Variants in CEP350 observed in about 807,000 individuals in gnomAD.
The protein encoded by CEP350 is centrosome-associated protein 350.
In CEP350, 126 loss-of-function variants were observed where a neutral mutation model predicts 331.8. The ratio of observed to expected loss-of-function variants is 0.38; its 90% confidence interval spans 0.33 to 0.44. CEP350 has a LOEUF of 0.44. Among genes scored for constraint, CEP350 ranks in the 20% least tolerant of loss-of-function variants. CEP350 has a pLI of 1.00. For synonymous variants in CEP350, 1,200 were observed against 1,259.5 expected (o/e 0.95, Z 1.00); for missense variants, 3,406 against 3,634.6 (o/e 0.94, Z 1.62).
chr1:180,109,611 A>G (rs1360935561), intron 37 of CEP350, among the ~76,000 whole-genome samples: 1 of 152,024 alleles, frequency 6.6e-6, no homozygotes, highest in Admixed American at 6.6e-5. Context: ...GTCATTTTGT[A>G]TAGCAAATCT....
At position 180,092,941 on chromosome 1, in the gene CEP350, G is replaced by A. The variant is rs1367058379; in HGVS notation, c.6836G>A (p.Gly2279Asp). The change falls in exon 34 of 38, where the codon GGT becomes GAT. Residue 2279 changes from glycine to aspartate, a missense_variant. Transcript: ENST00000367607. ...ATTGAAGATGCCTTTTCTAAAGAAG[G>A]TAAATCTGATGTCTTACTGAAATTA... ...SKIEDAFSKE[G>D]KSDVLLKLVL... 2 of 1,590,674 alleles carry A rather than the reference G, an allele frequency of 1.3e-6. No homozygotes were observed. Among genetic ancestry groups the A allele is most frequent in the Admixed American group, 3.5e-5 (2 of 56,472 alleles).
At position 180,044,100 on chromosome 1, in the gene CEP350, T is replaced by A; in HGVS notation, c.4549T>A (p.Ser1517Thr). The A allele has an allele frequency of 6.4e-7, 1 of 1,560,022 alleles. No homozygotes were observed. The change falls in exon 21 of 38, where the codon TCA becomes ACA. Residue 1517 changes from serine to threonine, a missense_variant. Physicochemically the swap from Ser to Thr is moderately conservative, Grantham distance 58 (BLOSUM62 1). Coordinates refer to ENST00000367607, the MANE Select transcript of CEP350 (RefSeq NM_014810.5). ...LSQSKEGTLDSKHQKYSASYD... is the reference protein window; with the variant it reads ...LSQSKEGTLDTKHQKYSASYD... ...TCAGAGTAAAGAAGGGACCCTTGAC[T>A]CAAAGCATCAGAAGTATTCTGCTTC...
chr1:180,002,901 A>G (rs76264236), intron 6 of CEP350, among the ~76,000 whole-genome samples: 1,923 of 152,296 alleles, frequency 0.013, 18 homozygotes, highest in Middle Eastern at 0.034. Flanking sequence ...GAAAATCCAT[A>G]AAGATAGAAT....
chr1:180,103,915 T>A (rs1660977757), intron 37 of CEP350, among the ~76,000 whole-genome samples: 1 of 147,734 alleles, frequency 6.8e-6, no homozygotes, highest in Non-Finnish European at 1.5e-5. Context: ...ATATACAAAT[T>A]TATATTTTAT....
At position 180,089,613 on chromosome 1, in the gene CEP350, G is replaced by A. The variant is rs531995259; in HGVS notation, c.6426-1101G>A. On this transcript the variant is annotated intron_variant, in intron 32 of 37. Transcript: ENST00000367607. ...AAAAAAAAAAAAGTAAACTTGATAA[G>A]TTAAAGTGCTAGATGGGGTAGCAAG... Among the ~76,000 whole-genome samples, 8 of 151,768 alleles carry A rather than the reference G, an allele frequency of 5.3e-5. No individual in the cohort carries two copies. The East Asian group carries it at 1.4e-3, about 26-fold the overall frequency.
Position 180,011,940 on chromosome 1 carries a change from C to T in CEP350, c.1258C>T (p.Leu420Phe). 2 of 1,598,762 alleles carry T rather than the reference C, an allele frequency of 1.3e-6. No individual in the cohort carries two copies. The highest frequency in any genetic ancestry group is 1.7e-6 in the Non-Finnish European group (2 of 1,172,302). ...ATGTATTTTTTTAGGTAGTAGTCAT[C>T]TTATAAGTACATCTTCTTGGCGAGA... ...STECRTGSSH[L>F]ISTSSWRDGQ... The change falls in exon 9 of 38, where the codon CTT becomes TTT. Residue 420 changes from leucine to phenylalanine, a missense_variant. Physicochemically the swap from Leu to Phe is conservative, Grantham distance 22. Coordinates refer to ENST00000367607, the MANE Select transcript of CEP350 (RefSeq NM_014810.5).
At chr1:180,110,375 A>G (rs1291551754) in intron 37 of CEP350, among the ~76,000 whole-genome samples, 2 of 152,198 alleles carry the variant, frequency 1.3e-5, no homozygotes, top group Non-Finnish European at 2.9e-5. Context: ...GATAAGTGGT[A>G]TGGGGGCAGC....
In CEP350 at chr1:180,020,074, A is replaced by G; in HGVS notation, c.2300A>G (p.His767Arg). ...CTCTCCCATCTCTTGAGTTTAGAGC[A>G]TGTAGGAATTTTGCATAAGGATTTT... Reference protein sequence around the residue: ...SLLSHLLSLEHVGILHKDFES... With the variant: ...SLLSHLLSLERVGILHKDFES... Residue 767 changes from histidine to arginine, a missense_variant, in exon 12 of 38, where the codon CAT becomes CGT. His to Arg is a conservative substitution (Grantham distance 29). Coordinates refer to ENST00000367607, the MANE Select transcript of CEP350 (RefSeq NM_014810.5). 1.2e-6 allele frequency: 2 copies of G among 1,614,010 alleles called. No individual in the cohort carries two copies. Among genetic ancestry groups the G allele is most frequent in the Non-Finnish European group, 8.5e-7 (1 of 1,179,894 alleles).
intron 37 of CEP350, among the ~76,000 whole-genome samples, chr1:180,106,337 A>G (rs1661141696): frequency 1.3e-5 from 2 of 152,276 alleles, no homozygotes; most frequent in Middle Eastern, 6.8e-3. Context: ...CTTTCACACA[A>G]TTAATTACAA....
intron 2 of CEP350, 29 bp downstream of exon 2, chr1:179,986,283 T>G: frequency 6.8e-7 from 1 of 1,472,814 alleles, no homozygotes; most frequent in South Asian, 1.2e-5. Flanking sequence ...AAACAGAACT[T>G]AATACCTCAT....
At position 180,014,365 on chromosome 1, in the gene CEP350, G is replaced by A. The variant is rs1379903382; in HGVS notation, c.1912G>A (p.Glu638Lys). ...ACAAGAGCTCTACCGGAAGCAGAAG[G>A]AAGCCTTTACTAAAGTAAAAAATGT... is the stretch of plus-strand genomic sequence containing the variant. ...RLQELYRKQKEAFTKVKNVPP... is the reference protein window; with the variant it reads ...RLQELYRKQKKAFTKVKNVPP... Residue 638 changes from glutamate (E) to lysine (K), a missense_variant, in exon 10 of 38, where the codon GAA (glutamate) becomes AAA (lysine). Glu to Lys is a moderately conservative substitution (Grantham distance 56, BLOSUM62 1). Transcript: ENST00000367607. The A allele has an allele frequency of 6.3e-7, 1 of 1,593,514 alleles. No homozygotes were observed. The highest frequency in any genetic ancestry group is 8.6e-7 in the Non-Finnish European group (1 of 1,169,550).
At chr1:179,963,400 G>T (rs1017564808) in intron 1 of CEP350, among the ~76,000 whole-genome samples, 1 of 152,052 alleles carries the variant, frequency 6.6e-6, no homozygotes, top group Non-Finnish European at 1.5e-5. Flanking sequence ...ATGTGCAGAA[G>T]AGTTTTTCCT....
chr1:180,023,914 A>C (rs1319881571), intron 13 of CEP350, among the ~76,000 whole-genome samples: 2 of 152,178 alleles, frequency 1.3e-5, no homozygotes, highest in African/African-American at 4.8e-5. Context: ...AATAGGAATA[A>C]GTATAAAAAT....
Position 180,094,581 on chromosome 1 carries a change from G to C in CEP350, c.8476G>C (p.Glu2826Gln). ...FLSSELEDEK[E>Q]EISSPDMCPR... ...AAGTTCTGAATTGGAAGATGAAAAA[G>C]AAGAGATTTCCTCTCCAGATATGTG... is the stretch of plus-strand genomic sequence containing the variant. Residue 2826 changes from glutamate (E) to glutamine (Q), a missense_variant, in exon 34 of 38, where the codon GAA becomes CAA. This residue lies in a region of CEP350 where 1,415 missense variants were observed against 1,512.3 expected (regional missense o/e 0.94). Coordinates refer to ENST00000367607, the MANE Select transcript of CEP350 (RefSeq NM_014810.5). The C allele has an allele frequency of 1.2e-6, 2 of 1,613,724 alleles. No individual in the cohort carries two copies. Among genetic ancestry groups the C allele is most frequent in the Non-Finnish European group, 8.5e-7 (1 of 1,179,798 alleles).
intron 25 of CEP350, among the ~76,000 whole-genome samples, chr1:180,059,980 TA>T (rs112828908): frequency 0.13 from 18,820 of 150,052 alleles, 1,231 homozygotes; most frequent in South Asian, 0.17. Context: ...TGCACAATGT[TA>T]AAAAAAAAAT....
At position 179,996,745 on chromosome 1, in the gene CEP350, T is replaced by C. The variant is rs746831007; in HGVS notation, c.588T>C (p.Phe196=). Residue 196 remains phenylalanine, a synonymous_variant, in exon 6 of 38, where the codon TTT becomes TTC. Coordinates refer to ENST00000367607, the MANE Select transcript of CEP350 (RefSeq NM_014810.5). ...SSVINDTVVR[F]LNDRPAIDAL... is the part of the protein sequence containing the mutation. ...TCATCAATGATACAGTTGTTAGGTT[T>C]TTAAATGATCGACCAGCAATTGATG... 18 of 1,613,510 alleles carry C rather than the reference T, an allele frequency of 1.1e-5. No homozygotes were observed. The Admixed American group carries it at 2.8e-4, about 25-fold the overall frequency.
chr1:180,021,697 G>A (rs1418148128), intron 12 of CEP350, among the ~76,000 whole-genome samples: 1 of 151,934 alleles, frequency 6.6e-6, no homozygotes, highest in Non-Finnish European at 1.5e-5. Flanking sequence ...TTAACACAGT[G>A]ATGATTTGTG....
At position 180,022,811 on chromosome 1, in the gene CEP350, G is replaced by T. The variant is rs752138079; in HGVS notation, c.3349G>T (p.Gly1117Trp). 1 of 1,597,562 alleles carries T rather than the reference G, an allele frequency of 6.3e-7. No homozygotes were observed. The highest frequency in any genetic ancestry group is 8.5e-7 in the Non-Finnish European group (1 of 1,170,990). Residue 1117 changes from glycine (G) to tryptophan (W), a missense_variant, in exon 13 of 38, where the codon GGG (glycine) becomes TGG (tryptophan). Physicochemically the swap from Gly to Trp is radical, Grantham distance 184 (BLOSUM62 -2). Around this residue, in one of 5 missense-constraint regions of CEP350, gnomAD observed 1,857 missense variants for 1,909.2 expected, o/e 0.97. Coordinates refer to ENST00000367607, the MANE Select transcript of CEP350 (RefSeq NM_014810.5). ...EDDFVSSPGT[G>W]TSTEKKSTLE... Reference sequence around the variant, plus strand: ...TGATTTTGTCTCCTCTCCAGGGACTGGGACTTCGACAGAAAAAAAATCAAC... The same window carrying T: ...TGATTTTGTCTCCTCTCCAGGGACTTGGACTTCGACAGAAAAAAAATCAAC...
At chr1:180,072,212 A>G (rs533792904) in intron 27 of CEP350, among the ~76,000 whole-genome samples, 2 of 152,144 alleles carry the variant, frequency 1.3e-5, no homozygotes, top group Admixed American at 6.5e-5. Context: ...TTTTTAAACT[A>G]TTTTCATTTT....
Sources: gnomAD v4.1 joint callset for allele counts (sites outside exome capture counted in the v4.1 genomes callset) on GRCh38, gnomAD v4.1.1 for gene constraint, gnomAD v4.1.1 regional missense constraint, MANE v1.5 for transcripts, NCBI Gene and HGNC (gene_info 2026-07-23, HGNC 2026-07-21) for gene names.